DPP4: variants seen among roughly 807,000 people sequenced by gnomAD.
The protein encoded by DPP4 is dipeptidyl peptidase 4, also known as ADCP-2.
In DPP4, 93 loss-of-function variants were observed where a neutral mutation model predicts 122.4. The ratio of observed to expected loss-of-function variants is 0.76; its 90% CI spans 0.64 to 0.90. DPP4 has a LOEUF of 0.90. Ranked by LOEUF, DPP4 falls within the 40% of genes least tolerant of loss-of-function variation. The pLI, the probability that DPP4 is intolerant of heterozygous loss-of-function variation, is 0.00. For synonymous variants in DPP4, 321 were observed against 302.9 expected, an observed-to-expected ratio of 1.06 and a Z score of -0.62; for missense variants, 914 against 907.3, an observed-to-expected ratio of 1.01 and a Z score of -0.09.
intron 12 of DPP4, 83 bp from the exon 13 acceptor site, chr2:162,020,771 A>G: frequency 3.5e-6 from 3 of 848,708 alleles, no homozygotes; most frequent in Non-Finnish European, 5.4e-6. Context: ...AGTCCTGTCC[A>G]ATACCTACGC....
intron 23 of DPP4, among the ~76,000 whole-genome samples, chr2:161,997,944 T>C (rs1309542494): frequency 6.6e-6 from 1 of 152,186 alleles, no homozygotes; most frequent in East Asian, 1.9e-4. Context: ...AAGCTGCTTA[T>C]GATGTGATCT....
At chr2:162,053,988 T>G (rs1055689990) in intron 2 of DPP4, among the ~76,000 whole-genome samples, 1 of 151,194 alleles carries the variant, frequency 6.6e-6, no homozygotes, top group African/African-American at 2.4e-5. Flanking sequence ...CTTCAACCCA[T>G]GAGAGCTGCA....
At chr2:162,035,517 T>G (rs980733814) in intron 8 of DPP4, among the ~76,000 whole-genome samples, 193 bp from the exon 9 acceptor site, 1 of 152,216 alleles carries the variant, frequency 6.6e-6, no homozygotes, top group African/African-American at 2.4e-5. Context: ...ATATCTGGAT[T>G]GTAAAAATAA....
chr2:161,993,073 A>G lies in DPP4; in HGVS notation c.*210T>C. Reference sequence around the variant, plus strand: ...TTAAACAATAAAACCCGACCGGATAATTCAAACTTCTGTAAGGTAATAATC... The same window carrying G: ...TTAAACAATAAAACCCGACCGGATAGTTCAAACTTCTGTAAGGTAATAATC... On this transcript the variant is annotated 3_prime_UTR_variant, in exon 26 of 26. Transcript: ENST00000360534. The G allele has an allele frequency of 4.4e-6, 2 of 453,032 alleles. No individual in the cohort carries two copies. The highest frequency in any genetic ancestry group is 8.0e-6 in the Non-Finnish European group (2 of 251,132). The allele number at this position is 453,032 out of a possible 1,614,324, so 28.1% of individuals were successfully genotyped here.
At chr2:161,997,323 A>C (rs1023817965) in intron 23 of DPP4, among the ~76,000 whole-genome samples, 2 of 152,198 alleles carry the variant, frequency 1.3e-5, no homozygotes, top group African/African-American at 4.8e-5. Flanking sequence ...CTGTCCATCC[A>C]TCCCAACATC....
intron 2 of DPP4, among the ~76,000 whole-genome samples, chr2:162,057,392 C>T (rs1576070322): frequency 1.3e-5 from 2 of 152,192 alleles, no homozygotes; most frequent in Admixed American, 6.5e-5. Context: ...TGGGGAAGGG[C>T]TCTACAGCTA....
chr2:162,064,044 G>A (rs1262354513), intron 2 of DPP4, among the ~76,000 whole-genome samples: 1 of 152,090 alleles, frequency 6.6e-6, no homozygotes, highest in East Asian at 1.9e-4. Flanking sequence ...GAGGGGAGCC[G>A]ATACAGGTGA....
At chr2:162,063,120 C>T (rs1044226721) in intron 2 of DPP4, among the ~76,000 whole-genome samples, 3 of 151,978 alleles carry the variant, frequency 2.0e-5, no homozygotes, top group Admixed American at 6.6e-5. Flanking sequence ...ATAAAACTGC[C>T]GACACATTGG....
chr2:162,028,518 CTT>C (rs1396059347), intron 10 of DPP4, among the ~76,000 whole-genome samples: 1 of 152,162 alleles, frequency 6.6e-6, no homozygotes, highest in Non-Finnish European at 1.5e-5. Flanking sequence ...TACTGAGTAG[CTT>C]TCTTATGTAA....
At chr2:162,000,881 G>C (rs991012622) in intron 23 of DPP4, among the ~76,000 whole-genome samples, 1 of 152,008 alleles carries the variant, frequency 6.6e-6, no homozygotes, top group African/African-American at 2.4e-5. Flanking sequence ...CCCTCCCCAG[G>C]CTTATGTCCT....
At position 161,993,006 on chromosome 2, in the gene DPP4, C is replaced by A; in HGVS notation, c.*277G>T. 1 of 335,860 alleles carries A rather than the reference C, an allele frequency of 3.0e-6. No individual in the cohort carries two copies. The highest frequency in any genetic ancestry group is 5.6e-6 in the Non-Finnish European group (1 of 177,862). 20.8% of individuals were successfully genotyped at this position (335,860 alleles called of 1,614,324 possible). ...AATCTATGCAAAGCCTCCATAAAAA[C>A]AATTCCTATTTGTTGTTTCAGCAGC... On this transcript the variant is annotated 3_prime_UTR_variant, in exon 26 of 26. Coordinates refer to ENST00000360534, the MANE Select transcript of DPP4 (RefSeq NM_001935.4).
chr2:162,041,879 A>G (rs920731559), intron 5 of DPP4, among the ~76,000 whole-genome samples: 1 of 152,200 alleles, frequency 6.6e-6, no homozygotes, highest in African/African-American at 2.4e-5. Context: ...TTATAGTGGA[A>G]TGGAGGATAT....
chr2:161,995,579 T>C (rs760766035), intron 23 of DPP4, among the ~76,000 whole-genome samples: 1 of 152,132 alleles, frequency 6.6e-6, no homozygotes, highest in Non-Finnish European at 1.5e-5. Flanking sequence ...GAAGGGAGGA[T>C]GCCACATCTT....
chr2:162,047,286 C>G, intron 3 of DPP4, 117 bp downstream of exon 3: 1 of 569,382 alleles, frequency 1.8e-6, no homozygotes, highest in Non-Finnish European at 2.9e-6. Context: ...AAAAAAAACT[C>G]TCTATAGAAT....
rs770256836 is a variant in DPP4 at position 162,020,212 on chromosome 2, A to C, written c.1244+17T>G. 1.3e-6 allele frequency: 2 copies of C among 1,598,280 alleles called. No individual in the cohort carries two copies. Among genetic ancestry groups the C allele is most frequent in the Admixed American group, 3.5e-5 (2 of 56,730 alleles). ...TGACAAGTAGGTTTATATCCTATCA[A>C]TTGTTACAATACTCACAGATAATCA... On this transcript the variant is annotated intron_variant, in intron 14 of 25. Transcript: ENST00000360534.
rs138556208 is a variant in DPP4, at chr2:161,993,476, T to A, written c.2200-92A>T. Reference sequence around the variant, plus strand: ...AAATTCAAATGAGCTCTCACGAGCATACATGGTATAAAACAGAGTGTTTTA... The same window carrying A: ...AAATTCAAATGAGCTCTCACGAGCAAACATGGTATAAAACAGAGTGTTTTA... On this transcript the variant is annotated intron_variant, in intron 25 of 25. Coordinates refer to ENST00000360534, the MANE Select transcript of DPP4 (RefSeq NM_001935.4). 5.2e-5 allele frequency: 46 copies of A among 891,920 alleles called. 1 individual carries two copies. The South Asian group carries it at 6.6e-4, about 13-fold the overall frequency. The allele number at this position is 891,920 out of a possible 1,614,324, so 55.3% of individuals were successfully genotyped here.
In DPP4 at chr2:162,014,432, A is replaced by G; in HGVS notation, c.1601T>C (p.Phe534Ser). Residue 534 changes from phenylalanine (F) to serine (S), a missense_variant, in exon 19 of 26, where the codon TTT becomes TCT. Coordinates refer to ENST00000360534, the MANE Select transcript of DPP4 (RefSeq NM_001935.4). ...TAGAGGATATTTCTTGGATTTATCA[A>G]AATGAGGAGGCAAGATCATCTGATA... Reference protein sequence around the residue: ...FWYQMILPPHFDKSKKYPLLL... With the variant: ...FWYQMILPPHSDKSKKYPLLL... 1 of 1,609,130 alleles carries G rather than the reference A, an allele frequency of 6.2e-7. No homozygotes were observed. Among genetic ancestry groups the G allele is most frequent in the Non-Finnish European group, 8.5e-7 (1 of 1,177,666 alleles).
At chr2:162,012,095 C>G (rs553254106) in intron 19 of DPP4, 108 bp from the exon 20 acceptor site, 52 of 1,131,418 alleles carry the variant, frequency 4.6e-5, no homozygotes, top group Non-Finnish European at 6.4e-5. Flanking sequence ...CAATCATGAG[C>G]CTTAAACTGT....
chr2:162,073,421 G>A lies in DPP4; in HGVS notation c.72C>T (p.Pro24=), dbSNP rs200521252. 9.9e-6 allele frequency: 16 copies of A among 1,614,024 alleles called. No individual in the cohort carries two copies. The highest frequency in any genetic ancestry group is 8.0e-5 in the African/African-American group (6 of 75,020). Residue 24 remains proline (P), a synonymous_variant, in exon 2 of 26, where the codon CCC becomes CCT. Transcript: ENST00000360534. ...AAALVTIITV[P]VVLLNKGTDD... is the part of the protein sequence containing the mutation. Reference sequence around the variant, plus strand: ...TACTGCCTTTGTTCAGCAGAACCACGGGCACGGTGATGATGGTGACAAGCG... The same window carrying A: ...TACTGCCTTTGTTCAGCAGAACCACAGGCACGGTGATGATGGTGACAAGCG...
Sources: allele counts gnomAD v4.1 joint callset (sites outside exome capture counted in the v4.1 genomes callset), GRCh38; gene constraint gnomAD v4.1.1; transcripts MANE v1.5; gene names NCBI Gene and HGNC (gene_info 2026-07-23, HGNC 2026-07-21).